The following HMGN5 variants were observed in gnomAD, a reference collection of about 807,000 sequenced individuals.
The protein encoded by HMGN5 is high mobility group nucleosome-binding domain-containing protein 5.
Under a neutral mutation model 9.5 loss-of-function variants are expected in HMGN5, and 4 were observed. That is an observed-to-expected ratio of 0.42 (90% confidence interval 0.21 to 0.96). The LOEUF (loss-of-function observed/expected upper bound fraction) is 0.96. Among genes scored for constraint, HMGN5 ranks in the 40% least tolerant of loss-of-function variants. The probability of loss-of-function intolerance (pLI) is 0.30; values close to 1 mark genes in which losing one functional copy is unlikely to be tolerated. For synonymous variants in HMGN5, 55 were observed against 57.1 expected (o/e 0.96, Z 0.16); for missense variants, 192 against 187.5 (o/e 1.02, Z -0.14).
intron 1 of HMGN5, among the ~76,000 whole-genome samples, chrX:81,183,750 C>A (rs188908908): frequency 6.6e-4 from 74 of 112,662 alleles, no homozygotes; most frequent in Middle Eastern, 4.6e-3. Flanking sequence ...ACATTGGTGT[C>A]AAAGATTATT....
chrX:81,122,051 A>T (rs1245184752), intron 1 of HMGN5, among the ~76,000 whole-genome samples: 3 of 112,221 alleles, frequency 2.7e-5, no homozygotes, highest in African/African-American at 9.7e-5. Flanking sequence ...TCCTAGCGGG[A>T]TAAGTGCTTT....
chrX:81,161,873 T>C (rs1444786777), intron 1 of HMGN5, among the ~76,000 whole-genome samples: 1 of 111,138 alleles, frequency 9.0e-6, no homozygotes, highest in Non-Finnish European at 1.9e-5. Flanking sequence ...CAAAAGGAAA[T>C]ATACGAGCTA....
At chrX:81,120,525 C>T (rs1297545733) in intron 2 of HMGN5, among the ~76,000 whole-genome samples, 1 of 111,191 alleles carries the variant, frequency 9.0e-6, no homozygotes, top group Non-Finnish European at 1.9e-5. Flanking sequence ...TGAGAATTAT[C>T]AAGCTATTGC....
At position 81,124,845 on chromosome X, in the gene HMGN5, T is replaced by A. The variant is rs779088135; in HGVS notation, c.-123-3173A>T. 9.9e-5 allele frequency among the ~76,000 whole-genome samples: 11 copies of A among 110,884 alleles called. No homozygotes were observed. In the South Asian group the frequency reaches 4.2e-3, roughly 42 times the overall value. ...ACAATTCTCCACAGAATTCCCTAAT[T>A]TTACCTGGCTATTAAGCATGCCTAC... On this transcript the variant is annotated intron_variant, in intron 1 of 6. Coordinates refer to ENST00000358130, the MANE Select transcript of HMGN5 (RefSeq NM_030763.3).
chrX:81,154,521 A>C, intron 1 of HMGN5, among the ~76,000 whole-genome samples: 1 of 111,453 alleles, frequency 9.0e-6, no homozygotes, highest in Non-Finnish European at 1.9e-5. Context: ...AAATGGGATC[A>C]CATCAAGTTA....
At chrX:81,144,726 C>T (rs928331364) in intron 1 of HMGN5, among the ~76,000 whole-genome samples, 3 of 111,118 alleles carry the variant, frequency 2.7e-5, no homozygotes, top group Non-Finnish European at 5.7e-5. Context: ...TGTTCTAACC[C>T]AATCCAAGGA....
chrX:81,193,026 G>T (rs2075498305), intron 1 of HMGN5, among the ~76,000 whole-genome samples: 1 of 111,470 alleles, frequency 9.0e-6, no homozygotes, highest in African/African-American at 3.3e-5. Context: ...CTAACAATGA[G>T]GCTCCAGATG....
chrX:81,153,321 G>A (rs957350259), intron 1 of HMGN5, among the ~76,000 whole-genome samples: 3 of 105,939 alleles, frequency 2.8e-5, no homozygotes, highest in African/African-American at 1.0e-4. Flanking sequence ...GGAAGGCTGA[G>A]GTGGGTAGAT....
chrX:81,119,726 T>A, intron 3 of HMGN5, 62 bp downstream of exon 3: 1 of 991,256 alleles, frequency 1.0e-6, no homozygotes, highest in Non-Finnish European at 1.4e-6. Flanking sequence ...TTTTAGCTGC[T>A]TATGTCAAGT....
Position 81,200,763 on chromosome X carries a change from G to A in HMGN5, c.-124+974C>T, listed in dbSNP as rs763425319. 1.5e-3 allele frequency among the ~76,000 whole-genome samples: 171 copies of A among 110,738 alleles called. 2 individuals are homozygous for A. Among genetic ancestry groups the A allele is most frequent in the African/African-American group, 5.6e-3 (169 of 30,373 alleles). ...AGGTGAAATACCTAATGTAAACAAC[G>A]AGTTGATGGGTGCAGCAAACCAACA... On this transcript the variant is annotated intron_variant, in intron 1 of 6. Coordinates refer to ENST00000358130, the MANE Select transcript of HMGN5 (RefSeq NM_030763.3).
intron 1 of HMGN5, among the ~76,000 whole-genome samples, chrX:81,138,465 G>A (rs1257385208): frequency 1.8e-5 from 2 of 111,361 alleles, no homozygotes; most frequent in Non-Finnish European, 3.8e-5. Context: ...TAAAAACTCT[G>A]AGCCAGTTAG....
intron 1 of HMGN5, among the ~76,000 whole-genome samples, chrX:81,185,144 T>C (rs2075473824): frequency 8.9e-6 from 1 of 112,193 alleles, no homozygotes; most frequent in Non-Finnish European, 1.9e-5. Context: ...TAGATTTTTG[T>C]TCTGTTAAGA....
chrX:81,194,772 G>A (rs900513496), intron 1 of HMGN5, among the ~76,000 whole-genome samples: 1 of 111,993 alleles, frequency 8.9e-6, no homozygotes, highest in Non-Finnish European at 1.9e-5. Flanking sequence ...GAAATACTAA[G>A]TTGGAGAAGA....
At chrX:81,165,438 T>A (rs773776942) in intron 1 of HMGN5, among the ~76,000 whole-genome samples, 5 of 111,177 alleles carry the variant, frequency 4.5e-5, no homozygotes, top group Non-Finnish European at 9.4e-5. Flanking sequence ...CAGAATATTA[T>A]TTCCAGCAGT....
intron 1 of HMGN5, among the ~76,000 whole-genome samples, chrX:81,131,181 G>A (rs1337530103): frequency 2.7e-5 from 3 of 111,398 alleles, no homozygotes; most frequent in Non-Finnish European, 3.8e-5. Flanking sequence ...GTGTGTCCCC[G>A]CAAATTTTCT....
intron 1 of HMGN5, among the ~76,000 whole-genome samples, chrX:81,155,978 G>A (rs1021887542): frequency 9.0e-6 from 1 of 111,604 alleles, no homozygotes; most frequent in African/African-American, 3.3e-5. Context: ...GCCTGTTTGT[G>A]ATATAGTTTT....
intron 1 of HMGN5, among the ~76,000 whole-genome samples, chrX:81,169,806 A>G (rs895793903): frequency 9.0e-6 from 1 of 111,311 alleles, no homozygotes; most frequent in Non-Finnish European, 1.9e-5. Flanking sequence ...AGTAATCCCA[A>G]CACTTTGGGA....
At chrX:81,135,793 C>T (rs1268303255) in intron 1 of HMGN5, among the ~76,000 whole-genome samples, 1 of 110,439 alleles carries the variant, frequency 9.1e-6, no homozygotes, top group Non-Finnish European at 1.9e-5. Flanking sequence ...TGTGTTTTCT[C>T]CCTGCCATAA....
intron 1 of HMGN5, among the ~76,000 whole-genome samples, chrX:81,127,147 T>C (rs760249071): frequency 8.9e-6 from 1 of 112,271 alleles, no homozygotes; most frequent in African/African-American, 3.2e-5. Context: ...ATGACATCTT[T>C]AGTTTAAAGC....
Sources: allele counts gnomAD v4.1 joint callset (sites outside exome capture counted in the v4.1 genomes callset), GRCh38; gene constraint gnomAD v4.1.1; transcripts MANE v1.5; gene names NCBI Gene and HGNC (gene_info 2026-07-23, HGNC 2026-07-21).